GALNTL6: variants seen among roughly 807,000 people sequenced by gnomAD.
GALNTL6 encodes the protein polypeptide N-acetylgalactosaminyltransferase-like 6.
Under a neutral mutation model 73.7 loss-of-function variants are expected in GALNTL6, and 46 were observed. The observed-to-expected ratio is 0.62, with a 90% CI of 0.49 to 0.80. The LOEUF (loss-of-function observed/expected upper bound fraction) is 0.80, where lower values mean the gene tolerates loss of function less well. Ranked by LOEUF, GALNTL6 falls within the 30% of genes least tolerant of loss-of-function variation. The pLI is 0.00. For missense variants in GALNTL6, 604 were observed against 755.0 expected (o/e 0.80, Z 2.34); for synonymous variants, 259 against 263.7 (o/e 0.98, Z 0.17).
At chr4:172,031,264 T>C (rs1325301796) in intron 2 of GALNTL6, among the ~76,000 whole-genome samples, 1 of 152,008 alleles carries the variant, frequency 6.6e-6, no homozygotes, top group Non-Finnish European at 1.5e-5. Context: ...CAAACAAAAA[T>C]TAAGTATGTT....
At chr4:171,823,666 A>T (rs1734742798) in intron 2 of GALNTL6, among the ~76,000 whole-genome samples, 1 of 151,606 alleles carries the variant, frequency 6.6e-6, no homozygotes, top group South Asian at 2.1e-4. Context: ...TAGTTTATAT[A>T]ATCTTATGAA....
intron 2 of GALNTL6, among the ~76,000 whole-genome samples, chr4:172,182,527 T>C (rs1735281780): frequency 7.1e-6 from 1 of 140,918 alleles, no homozygotes; most frequent in Non-Finnish European, 1.5e-5. Flanking sequence ...AAATACATAA[T>C]TTAAATAATT....
chr4:171,924,183 TACACACACACACACAC>T (rs371649848), intron 2 of GALNTL6, among the ~76,000 whole-genome samples: 1 of 142,458 alleles, frequency 7.0e-6, no homozygotes, highest in African/African-American at 2.6e-5. Flanking sequence ...ACCACACACA[TACACACACACACACAC>T]ACACACACAC....
At chr4:172,524,408 CCGGCTAATGTTTT>C (rs1447272637) in intron 5 of GALNTL6, among the ~76,000 whole-genome samples, 4 of 152,160 alleles carry the variant, frequency 2.6e-5, no homozygotes, top group Admixed American at 2.6e-4. Context: ...GCCACCATGC[CCGGCTAATGTTTT>C]TGTATTTTTA....
At chr4:172,649,719 G>A (rs538052521) in intron 5 of GALNTL6, among the ~76,000 whole-genome samples, 2 of 152,214 alleles carry the variant, frequency 1.3e-5, no homozygotes, top group Non-Finnish European at 2.9e-5. Flanking sequence ...TGTAGATTGT[G>A]ATTATTTCAC....
At chr4:171,994,084 T>C (rs1380200316) in intron 2 of GALNTL6, among the ~76,000 whole-genome samples, 1 of 152,054 alleles carries the variant, frequency 6.6e-6, no homozygotes, top group Non-Finnish European at 1.5e-5. Context: ...GAGTAGAAGA[T>C]TACAAGTGTA....
chr4:171,950,482 C>CTTTTTT (rs149650644), intron 2 of GALNTL6, among the ~76,000 whole-genome samples: 6 of 141,434 alleles, frequency 4.2e-5, no homozygotes, highest in Non-Finnish European at 7.6e-5. Context: ...CTTTTCTTTT[C>CTTTTTT]TTTTTTTTTT....
At chr4:172,422,053 T>G (rs1731069733) in intron 5 of GALNTL6, among the ~76,000 whole-genome samples, 1 of 152,134 alleles carries the variant, frequency 6.6e-6, no homozygotes, top group Non-Finnish European at 1.5e-5. Context: ...TTCACTATTT[T>G]TTGTGCCTAT....
intron 5 of GALNTL6, among the ~76,000 whole-genome samples, chr4:172,441,594 G>A (rs557721251): frequency 6.6e-6 from 1 of 152,140 alleles, no homozygotes; most frequent in South Asian, 2.1e-4. Context: ...TGTTTAAAAT[G>A]GCCTCCAAGC....
At chr4:173,007,137 C>T (rs923247758) in intron 10 of GALNTL6, among the ~76,000 whole-genome samples, 2 of 152,178 alleles carry the variant, frequency 1.3e-5, no homozygotes, top group African/African-American at 4.8e-5. Context: ...CATTCTGTCC[C>T]AGCATTATTT....
intron 2 of GALNTL6, among the ~76,000 whole-genome samples, chr4:172,066,906 T>C (rs1731382013): frequency 6.6e-6 from 1 of 152,268 alleles, no homozygotes; most frequent in South Asian, 2.1e-4. Flanking sequence ...ACCTGACTCA[T>C]GCTTCACAGA....
chr4:172,857,438 G>T (rs898565475), intron 7 of GALNTL6, among the ~76,000 whole-genome samples: 3 of 152,106 alleles, frequency 2.0e-5, no homozygotes, highest in African/African-American at 7.2e-5. Flanking sequence ...AGACACGTTG[G>T]AAAGATCCTG....
intron 3 of GALNTL6, among the ~76,000 whole-genome samples, chr4:172,257,007 A>G (rs1738102562): frequency 6.6e-6 from 1 of 151,232 alleles, no homozygotes; most frequent in South Asian, 2.1e-4. Context: ...CAGCTCATGT[A>G]CAATTGGTAA....
intron 4 of GALNTL6, 77 bp from the exon 5 acceptor site, chr4:172,348,446 C>A: frequency 8.5e-7 from 1 of 1,177,846 alleles, no homozygotes; most frequent in Non-Finnish European, 1.2e-6. Flanking sequence ...TGTCTGATAA[C>A]ATAATGAATA....
intron 2 of GALNTL6, among the ~76,000 whole-genome samples, chr4:171,910,851 A>G (rs1483990293): frequency 1.3e-5 from 2 of 152,180 alleles, no homozygotes; most frequent in Non-Finnish European, 2.9e-5. Context: ...TACCATGTTA[A>G]TGGCATATAA....
At chr4:172,147,973 T>C (rs1200025755) in intron 2 of GALNTL6, among the ~76,000 whole-genome samples, 2 of 152,266 alleles carry the variant, frequency 1.3e-5, no homozygotes, top group African/African-American at 2.4e-5. Context: ...TTATTACTTA[T>C]AAGAAACGTA....
intron 2 of GALNTL6, among the ~76,000 whole-genome samples, chr4:172,183,982 G>T (rs1277270704): frequency 6.6e-6 from 1 of 151,820 alleles, no homozygotes; most frequent in East Asian, 1.9e-4. Context: ...TAGTAGAGAC[G>T]GGGTTTCACC....
intron 7 of GALNTL6, among the ~76,000 whole-genome samples, chr4:172,836,028 CA>C (rs1200606355): frequency 6.6e-6 from 1 of 152,144 alleles, no homozygotes; most frequent in Non-Finnish European, 1.5e-5. Flanking sequence ...ACTGTTTCCT[CA>C]GGGGTATGGG....
intron 5 of GALNTL6, among the ~76,000 whole-genome samples, chr4:172,799,600 A>G (rs1354280680): frequency 6.6e-6 from 1 of 152,198 alleles, no homozygotes; most frequent in East Asian, 1.9e-4. Flanking sequence ...TTATCTATAT[A>G]TACATTTTAC....
Sources: allele counts gnomAD v4.1 joint callset (sites outside exome capture counted in the v4.1 genomes callset), GRCh38; gene constraint gnomAD v4.1.1; transcripts MANE v1.5; gene names NCBI Gene and HGNC (gene_info 2026-07-23, HGNC 2026-07-21).